STX6: variants seen among roughly 807,000 people sequenced by gnomAD.
STX6 encodes syntaxin 6, also known as syntaxin-6.
Under a neutral mutation model 38.0 loss-of-function variants are expected in STX6, and 23 were observed. The observed-to-expected ratio is 0.60, with a 90% confidence interval of 0.43 to 0.86. The LOEUF (loss-of-function observed/expected upper bound fraction) is 0.86, where lower values mean the gene tolerates loss of function less well. Ranked by LOEUF, STX6 falls within the 40% of genes least tolerant of loss-of-function variation. The pLI, the probability that STX6 is intolerant of heterozygous loss-of-function variation, is 0.00. For synonymous variants in STX6, 123 were observed against 107.5 expected (o/e 1.14, Z -0.89); for missense variants, 274 against 312.9 (o/e 0.88, Z 0.94).
rs1488552849 is a variant in STX6, at chr1:181,022,725, C to G, written c.-52G>C. 5.1e-6 allele frequency: 8 copies of G among 1,556,342 alleles called. No individual in the cohort carries two copies. The highest frequency in any genetic ancestry group is 7.0e-6 in the Non-Finnish European group (8 of 1,148,232). ...CTCCTCCGCGCACAGGGCGCCCGTGCCTCCCGGTCTCCCTCCGCCCACCCC... is the reference window on the plus strand; with the variant it reads ...CTCCTCCGCGCACAGGGCGCCCGTGGCTCCCGGTCTCCCTCCGCCCACCCC... On this transcript the variant is annotated 5_prime_UTR_variant, in exon 1 of 8. Coordinates refer to ENST00000258301, the MANE Select transcript of STX6 (RefSeq NM_005819.6).
chr1:181,000,175 T>G (rs1045192404), intron 3 of STX6, among the ~76,000 whole-genome samples: 1 of 152,200 alleles, frequency 6.6e-6, no homozygotes, highest in African/African-American at 2.4e-5. Context: ...AATATTCAGG[T>G]GGATCACATA....
chr1:180,983,635 T>C (rs1655476079), intron 7 of STX6, among the ~76,000 whole-genome samples: 1 of 152,202 alleles, frequency 6.6e-6, no homozygotes, highest in Non-Finnish European at 1.5e-5. Context: ...AAGTAGTAGG[T>C]ATTTTTCTAT....
At position 180,999,279 on chromosome 1, in the gene STX6, G is replaced by T. The variant is rs541133374; in HGVS notation, c.300+3327C>A. On this transcript the variant is annotated intron_variant, in intron 3 of 7. Transcript: ENST00000258301. ...TTTATTAAGGTCACAGCTTAGCCTA[G>T]AACTCAGGTTCCCTTACCCCTTATA... is the stretch of plus-strand genomic sequence containing the variant. 5.9e-5 allele frequency among the ~76,000 whole-genome samples: 9 copies of T among 152,286 alleles called. No individual in the cohort carries two copies. In the South Asian group the frequency reaches 1.9e-3, roughly 32 times the overall value.
chr1:181,001,727 C>T (rs1307676012), intron 3 of STX6, among the ~76,000 whole-genome samples: 12 of 152,132 alleles, frequency 7.9e-5, no homozygotes, highest in Non-Finnish European at 1.6e-4. Context: ...TTGTTTTGTT[C>T]GTCAAGAAAT....
intron 1 of STX6, among the ~76,000 whole-genome samples, chr1:181,019,740 C>T (rs1047659355): frequency 6.6e-5 from 10 of 152,264 alleles, no homozygotes; most frequent in African/African-American, 2.2e-4. Context: ...CTGTCCAACA[C>T]GGAAGCCACA....
chr1:181,008,696 G>C lies in STX6; in HGVS notation c.36-3233C>G, dbSNP rs73048456. Reference sequence around the variant, plus strand: ...ACTTAAGTGTTGGAAATCTGTAAGAGCATAGTAGTTGATATAAGCTTTCCA... The same window carrying C: ...ACTTAAGTGTTGGAAATCTGTAAGACCATAGTAGTTGATATAAGCTTTCCA... On this transcript the variant is annotated intron_variant, in intron 1 of 7. Transcript: ENST00000258301. 4.7e-3 allele frequency among the ~76,000 whole-genome samples: 675 copies of C among 143,448 alleles called. 9 individuals are homozygous for C. Among genetic ancestry groups the C allele is most frequent in the African/African-American group, 0.017 (647 of 38,490 alleles). The allele number at this position is 143,448 out of a possible 152,430, so 94.1% of individuals were successfully genotyped here. A position where few individuals can be genotyped will look rare whatever the true frequency, so the allele number is the denominator to read the frequency against.
intron 7 of STX6, among the ~76,000 whole-genome samples, chr1:180,984,077 A>AAAC (rs914077170): frequency 6.7e-6 from 1 of 148,576 alleles, no homozygotes; most frequent in African/African-American, 2.5e-5. Context: ...AAAAAAAAAA[A>AAAC]AAAAAAAAAA....
chr1:181,004,853 T>C (rs572412097), intron 2 of STX6, among the ~76,000 whole-genome samples: 1 of 151,900 alleles, frequency 6.6e-6, no homozygotes, highest in South Asian at 2.1e-4. Context: ...GGCAGTCTTG[T>C]GGGACTGAGC....
intron 5 of STX6, chr1:180,989,307 C>T (rs1386770652): frequency 1.3e-5 from 2 of 151,886 alleles, no homozygotes; most frequent in Admixed American, 1.3e-4. Context: ...GCCTGAGAAA[C>T]AAGGTGAAAC....
chr1:180,988,132 T>C (rs1203189872), intron 6 of STX6, 107 bp downstream of exon 6: 27 of 724,506 alleles, frequency 3.7e-5, no homozygotes, highest in South Asian at 2.9e-4. Flanking sequence ...ATGAATAAAA[T>C]AGCTTTTGAT....
intron 1 of STX6, among the ~76,000 whole-genome samples, chr1:181,019,163 T>G (rs573947036): frequency 1.3e-5 from 2 of 152,306 alleles, no homozygotes; most frequent in South Asian, 4.1e-4. Context: ...CTGTTACTAC[T>G]TCCCTAAACT....
chr1:181,018,957 C>T (rs1376454401), intron 1 of STX6, among the ~76,000 whole-genome samples: 1 of 152,184 alleles, frequency 6.6e-6, no homozygotes, highest in East Asian at 1.9e-4. Context: ...AATTTGAAGC[C>T]TGAGTACACC....
At chr1:180,983,932 C>T (rs545841484) in intron 7 of STX6, among the ~76,000 whole-genome samples, 212 of 151,594 alleles carry the variant, frequency 1.4e-3, no homozygotes, top group Non-Finnish European at 2.3e-3. Context: ...GGCATGGTGG[C>T]GGGCGCCTGT....
At chr1:181,020,397 G>A (rs1056667224) in intron 1 of STX6, among the ~76,000 whole-genome samples, 1 of 152,132 alleles carries the variant, frequency 6.6e-6, no homozygotes, top group Non-Finnish European at 1.5e-5. Context: ...GAATGTATTA[G>A]AGATTACATT....
chr1:180,997,083 G>C (rs1282121980), intron 3 of STX6, among the ~76,000 whole-genome samples: 1 of 152,152 alleles, frequency 6.6e-6, no homozygotes, highest in Non-Finnish European at 1.5e-5. Context: ...CAAAGACCTA[G>C]GTTTAAGACT....
intron 1 of STX6, among the ~76,000 whole-genome samples, chr1:181,007,737 C>A (rs1335127344): frequency 2.0e-5 from 3 of 151,916 alleles, no homozygotes; most frequent in African/African-American, 7.3e-5. Flanking sequence ...TACTGAAGAC[C>A]CCGAAGAGCT....
At chr1:181,014,435 A>G (rs548960346) in intron 1 of STX6, among the ~76,000 whole-genome samples, 1 of 152,154 alleles carries the variant, frequency 6.6e-6, no homozygotes, top group South Asian at 2.1e-4. Flanking sequence ...GCAACACAGG[A>G]CAGAACATTT....
chr1:180,978,251 C>G (rs959625079), intron 7 of STX6, among the ~76,000 whole-genome samples: 2 of 152,190 alleles, frequency 1.3e-5, no homozygotes, highest in Non-Finnish European at 2.9e-5. Flanking sequence ...TTAGATCCAT[C>G]AGAGAAGTGA....
At chr1:180,997,980 A>T (rs930779823) in intron 3 of STX6, among the ~76,000 whole-genome samples, 2 of 152,262 alleles carry the variant, frequency 1.3e-5, no homozygotes, top group African/African-American at 4.8e-5. Context: ...AATACCAAGT[A>T]CAGATTATTT....
Sources: allele counts gnomAD v4.1 joint callset (sites outside exome capture counted in the v4.1 genomes callset), GRCh38; gene constraint gnomAD v4.1.1; transcripts MANE v1.5; gene names NCBI Gene and HGNC (gene_info 2026-07-23, HGNC 2026-07-21).